The following LPP variants were observed in gnomAD, a reference collection of about 807,000 sequenced individuals.
The protein encoded by LPP is lipoma-preferred partner.
A neutral mutation model predicts 60.4 loss-of-function variants in LPP; 38 were observed. The ratio of observed to expected loss-of-function variants is 0.63; its 90% confidence interval spans 0.49 to 0.83. The LOEUF (loss-of-function observed/expected upper bound fraction) is 0.83. Ranked by LOEUF, LPP falls within the 40% of genes least tolerant of loss-of-function variation. The pLI is 0.00. For synonymous variants in LPP, 328 were observed against 290.8 expected (o/e 1.13, Z -1.30); for missense variants, 902 against 783.6 (o/e 1.15, Z -1.80).
chr3:188,283,976 CA>C (rs35079555), intron 2 of LPP, among the ~76,000 whole-genome samples: 3 of 151,366 alleles, frequency 2.0e-5, no homozygotes, highest in African/African-American at 4.8e-5. Context: ...GACTCCATCT[CA>C]AAAAAAATAA....
chr3:188,250,179 T>C (rs1362050544), intron 2 of LPP, among the ~76,000 whole-genome samples: 1 of 152,212 alleles, frequency 6.6e-6, no homozygotes, highest in African/African-American at 2.4e-5. Context: ...CATTTAGTTG[T>C]CAAGTCTCTT....
chr3:188,219,713 TGTGG>T (rs1484017168), intron 1 of LPP, among the ~76,000 whole-genome samples: 1 of 152,208 alleles, frequency 6.6e-6, no homozygotes, highest in East Asian at 1.9e-4. Context: ...ATCGGTCCAC[TGTGG>T]GTCCATGTGG....
At chr3:188,595,399 A>G (rs1265188832) in intron 6 of LPP, among the ~76,000 whole-genome samples, 1 of 152,162 alleles carries the variant, frequency 6.6e-6, no homozygotes, top group Admixed American at 6.5e-5. Flanking sequence ...ATGAACCCCC[A>G]TCAGTCATTC....
At chr3:188,513,682 G>A (rs1816497676) in intron 5 of LPP, among the ~76,000 whole-genome samples, 1 of 151,820 alleles carries the variant, frequency 6.6e-6, no homozygotes, top group Non-Finnish European at 1.5e-5. Context: ...ATCATTCAAC[G>A]AGTAGGTAAA....
chr3:188,882,723 T>C lies in LPP; in HGVS notation c.*8244T>C. 5.0e-6 allele frequency: 1 copy of C among 201,102 alleles called. No homozygotes were observed. Among genetic ancestry groups the C allele is most frequent in the Non-Finnish European group, 1.0e-5 (1 of 97,784 alleles). 12.5% of individuals were successfully genotyped at this position (201,102 alleles called of 1,614,324 possible). On this transcript the variant is annotated 3_prime_UTR_variant, in exon 12 of 12. Coordinates refer to ENST00000617246, the MANE Select transcript of LPP (RefSeq NM_001375462.1). The stretch of plus-strand genomic sequence containing the variant: ...TTGGTATTAAAATTCCCTTACAGAT[T>C]CATTGCTAAGTGCCAATTCTTTTTT...
intron 6 of LPP, among the ~76,000 whole-genome samples, chr3:188,552,894 C>T (rs999783020): frequency 1.3e-5 from 2 of 151,982 alleles, no homozygotes; most frequent in African/African-American, 2.4e-5. Context: ...ACATTCTTGG[C>T]GGGGTGGGGA....
chr3:188,371,268 TATTTATATATGAATTATCTACATTC>T (rs530370736), intron 3 of LPP, among the ~76,000 whole-genome samples: 1,905 of 152,094 alleles, frequency 0.013, 33 homozygotes, highest in African/African-American at 0.042. Context: ...TTAATTCATT[TATTTATATATGAATTATCTACATTC>T]ATTTATATAT....
intron 2 of LPP, among the ~76,000 whole-genome samples, chr3:188,304,992 C>G (rs1179991674): frequency 6.6e-6 from 1 of 152,122 alleles, no homozygotes; most frequent in East Asian, 1.9e-4. Context: ...AAGATAATAG[C>G]AAAAGACTGA....
intron 11 of LPP, among the ~76,000 whole-genome samples, chr3:188,874,044 C>G (rs1275035823): frequency 1.3e-5 from 2 of 152,010 alleles, no homozygotes; most frequent in Non-Finnish European, 2.9e-5. Flanking sequence ...CAGCAAACTT[C>G]TACATGGGAG....
At chr3:188,746,768 A>T (rs1341403413) in intron 8 of LPP, 2 of 255,356 alleles carry the variant, frequency 7.8e-6, no homozygotes, top group African/African-American at 4.5e-5. Context: ...TGATAATCTA[A>T]GTATGGAAAC....
chr3:188,397,265 A>T (rs1456600267), intron 3 of LPP, among the ~76,000 whole-genome samples: 1 of 152,184 alleles, frequency 6.6e-6, no homozygotes, highest in African/African-American at 2.4e-5. Context: ...ATTACATTGG[A>T]TAAGTTTCTT....
At chr3:188,659,059 A>G (rs1422302145) in intron 7 of LPP, among the ~76,000 whole-genome samples, 1 of 152,224 alleles carries the variant, frequency 6.6e-6, no homozygotes, top group Non-Finnish European at 1.5e-5. Flanking sequence ...TCTCAACTTT[A>G]TGTTTCCAAA....
At chr3:188,637,352 G>A (rs190453368) in intron 7 of LPP, among the ~76,000 whole-genome samples, 15 of 152,090 alleles carry the variant, frequency 9.9e-5, no homozygotes, top group Admixed American at 5.2e-4. Flanking sequence ...TCTCTGGGAC[G>A]CATTCAAAAC....
chr3:188,835,150 T>C (rs1162724748), intron 9 of LPP, among the ~76,000 whole-genome samples: 1 of 151,960 alleles, frequency 6.6e-6, no homozygotes, highest in East Asian at 1.9e-4. Flanking sequence ...ATTCACAGGG[T>C]CATAACACTA....
intron 6 of LPP, among the ~76,000 whole-genome samples, chr3:188,558,182 T>A (rs569018367): frequency 3.2e-4 from 48 of 152,208 alleles, no homozygotes; most frequent in African/African-American, 1.1e-3. Flanking sequence ...TAAACTGATA[T>A]AATAAAAACA....
At chr3:188,469,856 G>C (rs1363781044) in intron 4 of LPP, among the ~76,000 whole-genome samples, 1 of 152,060 alleles carries the variant, frequency 6.6e-6, no homozygotes, top group Non-Finnish European at 1.5e-5. Context: ...GTCACATAAA[G>C]AATAATCTCA....
At chr3:188,676,095 GA>G (rs1858010547) in intron 7 of LPP, among the ~76,000 whole-genome samples, 1 of 152,064 alleles carries the variant, frequency 6.6e-6, no homozygotes, top group Non-Finnish European at 1.5e-5. Flanking sequence ...ATTTTTAAGG[GA>G]AAAATATTAG....
chr3:188,240,343 G>A (rs544761254), intron 2 of LPP, among the ~76,000 whole-genome samples: 2 of 103,414 alleles, frequency 1.9e-5, no homozygotes, highest in South Asian at 3.1e-4. Flanking sequence ...TTGGGTAAGA[G>A]TGTGTGTGTG....
intron 7 of LPP, among the ~76,000 whole-genome samples, chr3:188,653,540 CAT>C (rs1186356918): frequency 6.6e-6 from 1 of 151,830 alleles, no homozygotes; most frequent in African/African-American, 2.4e-5. Flanking sequence ...TGAAGTCATC[CAT>C]ATATAATAGA....
Sources: gnomAD v4.1 joint callset for allele counts (sites outside exome capture counted in the v4.1 genomes callset) on GRCh38, gnomAD v4.1.1 for gene constraint, MANE v1.5 for transcripts, NCBI Gene and HGNC (gene_info 2026-07-23, HGNC 2026-07-21) for gene names.